KIAA1755: variants seen among roughly 807,000 people sequenced by gnomAD.
The protein encoded by KIAA1755 is uncharacterized protein KIAA1755.
Under a neutral mutation model 91.7 loss-of-function variants are expected in KIAA1755, and 68 were observed. The ratio of observed to expected loss-of-function variants is 0.74; its 90% CI spans 0.61 to 0.91. The LOEUF (loss-of-function observed/expected upper bound fraction) is 0.91. KIAA1755 is among the 40% of genes least tolerant of loss of function. The pLI, the probability that KIAA1755 is intolerant of heterozygous loss-of-function variation, is 0.00. For synonymous variants in KIAA1755, 610 were observed against 604.6 expected (o/e 1.01, Z -0.13); for missense variants, 1,535 against 1,494.4 (o/e 1.03, Z -0.45).
At position 38,241,418 on chromosome 20, in the gene KIAA1755, C is replaced by T. The variant is rs1398666570; in HGVS notation, c.713G>A (p.Gly238Asp). The T allele has an allele frequency of 6.2e-7, 1 of 1,614,214 alleles. No homozygotes were observed. Among genetic ancestry groups the T allele is most frequent in the East Asian group, 2.2e-5 (1 of 44,886 alleles). The change falls in exon 3 of 14, where the codon GGC becomes GAC. Residue 238 changes from glycine to aspartate, a missense_variant. By Grantham distance (94) the Gly-to-Asp change is moderately conservative (BLOSUM62 -1). Transcript: ENST00000279024. ...TGGATACTTGCTCCCATATGTCCTG[C>T]CCTTACCCTTGGCCAAACTCTGGGC... ...LPAQSLAKGK[G>D]RTYGSKYPGL...
intron 13 of KIAA1755, among the ~76,000 whole-genome samples, chr20:38,213,948 C>G (rs1399622417): frequency 1.4e-5 from 2 of 144,584 alleles, no homozygotes; most frequent in Admixed American, 7.2e-5. Flanking sequence ...TTAGAATCAT[C>G]AGACACCTTT....
In KIAA1755 at chr20:38,213,353, G is replaced by T; in HGVS notation, c.3292C>A (p.Leu1098Met). ...GACTTTGGCAAATGGTCCATGCCCA[G>T]TGAGTCTAGTGGAGGCTGATCCCAC... The part of the protein sequence containing the change: ...GRWDQPPLDS[L>M]GMDHLPKSYW... Residue 1098 changes from leucine to methionine, a missense_variant, in exon 14 of 14, where the codon CTG becomes ATG. Leu to Met is a conservative substitution (Grantham distance 15). Transcript: ENST00000279024. 1 of 1,610,046 alleles carries T rather than the reference G, an allele frequency of 6.2e-7. No individual in the cohort carries two copies. Among genetic ancestry groups the T allele is most frequent in the East Asian group, 2.2e-5 (1 of 44,734 alleles).
chr20:38,220,665 G>A (rs2123085890), intron 10 of KIAA1755, among the ~76,000 whole-genome samples: 1 of 152,300 alleles, frequency 6.6e-6, no homozygotes, highest in African/African-American at 2.4e-5. Context: ...GACAGCCAGG[G>A]CAGAGAACCA....
At chr20:38,223,321 C>T (rs1043389954) in intron 9 of KIAA1755, among the ~76,000 whole-genome samples, 1 of 152,254 alleles carries the variant, frequency 6.6e-6, no homozygotes, top group Non-Finnish European at 1.5e-5. Flanking sequence ...GCCACAGCAC[C>T]ACGAGCCCCA....
chr20:38,222,886 C>T lies in KIAA1755; in HGVS notation c.2269-289G>A. 5.9e-6 allele frequency: 3 copies of T among 508,234 alleles called. No homozygotes were observed. In the East Asian group the frequency reaches 1.1e-4, roughly 18 times the overall value. 31.5% of individuals were successfully genotyped at this position (508,234 alleles called of 1,614,324 possible). ...CCCCTACAGTCTGTTCTCCACATGG[C>T]AGTTGAACGGATCTCAAAGTGCAAA... On this transcript the variant is annotated intron_variant, in intron 9 of 13. Coordinates refer to ENST00000279024, the MANE Select transcript of KIAA1755 (RefSeq NM_001029864.2).
In KIAA1755 at chr20:38,241,823, C is replaced by A. The variant is rs1482000169; in HGVS notation, c.308G>T (p.Gly103Val). 3.1e-6 allele frequency: 5 copies of A among 1,614,156 alleles called. No individual in the cohort carries two copies. Among genetic ancestry groups the A allele is most frequent in the East Asian group, 4.5e-5 (2 of 44,884 alleles). ...GGGCTCCACTTGGAGGTAGAAGTCA[C>A]CCTGGCGCAATAAGAGAGGGTTGAG... ...APLNPLLLRQ[G>V]DFYLQVEPQE... The change falls in exon 3 of 14, where the codon GGT becomes GTT. Residue 103 changes from glycine (G) to valine (V), a missense_variant. Coordinates refer to ENST00000279024, the MANE Select transcript of KIAA1755 (RefSeq NM_001029864.2).
chr20:38,232,353 A>G (rs2075881196), intron 4 of KIAA1755, among the ~76,000 whole-genome samples: 1 of 152,184 alleles, frequency 6.6e-6, no homozygotes, highest in African/African-American at 2.4e-5. Context: ...GTGGCTGGGC[A>G]CGGTGGCTCA....
chr20:38,231,865 G>A (rs1055394223), intron 4 of KIAA1755, among the ~76,000 whole-genome samples: 2 of 152,178 alleles, frequency 1.3e-5, no homozygotes, highest in Admixed American at 6.5e-5. Flanking sequence ...TCCAAGGGGT[G>A]GTGAGCGTGC....
chr20:38,244,373 A>G (rs1186084025), intron 2 of KIAA1755, among the ~76,000 whole-genome samples: 2 of 152,220 alleles, frequency 1.3e-5, no homozygotes, highest in Non-Finnish European at 2.9e-5. Context: ...AAGCATGTAA[A>G]ATAGATTATC....
In KIAA1755 at chr20:38,245,803, T is replaced by A. The variant is rs2076148160; in HGVS notation, c.201+126A>T. ...TGGGCAAGCAATGATACTTGGAAAG[T>A]CCCCCCACACCCTCAGCTCCCCGTG... On this transcript the variant is annotated intron_variant, in intron 2 of 13. Coordinates refer to ENST00000279024, the MANE Select transcript of KIAA1755 (RefSeq NM_001029864.2). 3.7e-6 allele frequency: 3 copies of A among 804,892 alleles called. No homozygotes were observed. The Admixed American group carries it at 7.0e-5, about 19-fold the overall frequency. The allele number at this position is 804,892 out of a possible 1,614,324, so 49.9% of individuals were successfully genotyped here.
rs947619574 is a variant in KIAA1755 at position 38,240,970 on chromosome 20, G to A, written c.1161C>T (p.Leu387=). 1 of 1,613,972 alleles carries A rather than the reference G, an allele frequency of 6.2e-7. No homozygotes were observed. The highest frequency in any genetic ancestry group is 1.3e-5 in the African/African-American group (1 of 74,914). ...CTGGCTCTTGTGAGACACCTGCCCT[G>A]AGACCAGAGGCACAGTCCAGTGCGT... The part of the protein sequence containing the change: ...LEDALDCASG[L]RAGVSQEPAA... The change falls in exon 3 of 14, where the codon CTC becomes CTT. Residue 387 remains leucine, a synonymous_variant. Coordinates refer to ENST00000279024, the MANE Select transcript of KIAA1755 (RefSeq NM_001029864.2).
chr20:38,213,824 C>T (rs890152864), intron 13 of KIAA1755, 81 bp from the exon 14 acceptor site: 30 of 1,006,594 alleles, frequency 3.0e-5, no homozygotes, highest in Non-Finnish European at 3.8e-5. Flanking sequence ...GTGCCCAATG[C>T]CAGGGCCCCG....
chr20:38,218,222 T>C, intron 12 of KIAA1755, 22 bp downstream of exon 12: 1 of 1,613,986 alleles, frequency 6.2e-7, no homozygotes, highest in Non-Finnish European at 8.5e-7. Context: ...CCAGTCCTGC[T>C]CCTCTGTTGT....
At chr20:38,259,724 C>A (rs945962432) in intron 1 of KIAA1755, among the ~76,000 whole-genome samples, 5 of 151,616 alleles carry the variant, frequency 3.3e-5, no homozygotes, top group African/African-American at 1.2e-4. Flanking sequence ...GCTCTTGTAT[C>A]TGTCTGGAGC....
intron 5 of KIAA1755, among the ~76,000 whole-genome samples, chr20:38,228,763 T>TC (rs769671076): frequency 3.6e-4 from 55 of 151,970 alleles, no homozygotes; most frequent in Non-Finnish European, 5.9e-4. Context: ...GGAAAGACAT[T>TC]CCCTCCTTTA....
intron 13 of KIAA1755, among the ~76,000 whole-genome samples, chr20:38,214,798 C>T (rs972325376): frequency 2.6e-5 from 4 of 152,248 alleles, no homozygotes; most frequent in African/African-American, 7.2e-5. Context: ...GAAGCCAACA[C>T]GTTCCCAGCC....
At chr20:38,215,646 G>T (rs2075531792) in intron 13 of KIAA1755, among the ~76,000 whole-genome samples, 1 of 152,188 alleles carries the variant, frequency 6.6e-6, no homozygotes, top group Non-Finnish European at 1.5e-5. Flanking sequence ...CGGTCAACGG[G>T]AAGAGCTTCC....
chr20:38,237,366 C>T (rs918192556), intron 4 of KIAA1755, among the ~76,000 whole-genome samples: 1 of 151,992 alleles, frequency 6.6e-6, no homozygotes, highest in Non-Finnish European at 1.5e-5. Context: ...AATTAGCCTG[C>T]ACAATTGTGT....
At position 38,240,624 on chromosome 20, in the gene KIAA1755, G is replaced by T; in HGVS notation, c.1507C>A (p.Leu503Ile). 6.6e-7 allele frequency: 1 copy of T among 1,511,368 alleles called. No individual in the cohort carries two copies. Among genetic ancestry groups the T allele is most frequent in the Non-Finnish European group, 8.8e-7 (1 of 1,130,912 alleles). The allele number at this position is 1,511,368 out of a possible 1,614,324, so 93.6% of individuals were successfully genotyped here. The change falls in exon 3 of 14, where the codon CTC becomes ATC. Residue 503 changes from leucine (L) to isoleucine (I), a missense_variant. Leu to Ile is a conservative substitution (Grantham distance 5, BLOSUM62 2). Transcript: ENST00000279024. ...HNGPWKVLCS[L>I]YSPKPNRAKS... ...GCTCGGTTGGGTTTAGGAGAGTAGAGGGAACACAGGACTTTCCAGGGCCCA... is the reference window on the plus strand; with the variant it reads ...GCTCGGTTGGGTTTAGGAGAGTAGATGGAACACAGGACTTTCCAGGGCCCA...
Sources: allele counts gnomAD v4.1 joint callset (sites outside exome capture counted in the v4.1 genomes callset), GRCh38; gene constraint gnomAD v4.1.1; transcripts MANE v1.5; gene names NCBI Gene and HGNC (gene_info 2026-07-23, HGNC 2026-07-21).